The following MYOM3 variants were observed in gnomAD, a reference collection of about 807,000 sequenced individuals.
MYOM3 encodes myomesin-3.
MYOM3 carries 155 observed loss-of-function variants against 191.7 expected under a neutral mutation model. That is an observed-to-expected ratio of 0.81 (90% CI 0.71 to 0.92). The LOEUF is 0.92. Ranked by LOEUF, MYOM3 falls within the 40% of genes least tolerant of loss-of-function variation. The probability of loss-of-function intolerance (pLI) is 0.00; values close to 1 mark genes in which losing one functional copy is unlikely to be tolerated. For synonymous variants in MYOM3, 757 were observed against 762.9 expected (o/e 0.99, Z 0.13); for missense variants, 1,889 against 1,890.6 (o/e 1.00, Z 0.02).
intron 19 of MYOM3, among the ~76,000 whole-genome samples, chr1:24,080,729 G>A (rs1226009301): frequency 1.3e-5 from 2 of 152,236 alleles, no homozygotes; most frequent in South Asian, 2.1e-4. Flanking sequence ...ATAAATACTC[G>A]TTGTTTATAA....
At position 24,063,406 on chromosome 1, in the gene MYOM3, C is replaced by A. The variant is rs1643396115; in HGVS notation, c.3661+86G>T. 4 of 1,552,258 alleles carry A rather than the reference C, an allele frequency of 2.6e-6. No homozygotes were observed. In the South Asian group the frequency reaches 3.3e-5, roughly 13 times the overall value. On this transcript the variant is annotated intron_variant, in intron 31 of 36. Coordinates refer to ENST00000374434, the MANE Select transcript of MYOM3 (RefSeq NM_152372.4). This position sits in a 1 kb window ranked among gnomAD's most constrained non-coding sequence, Gnocchi z 4.5. The stretch of plus-strand genomic sequence containing the variant: ...TTGAGGTTAGAAACTAAACCCACCC[C>A]CAATAGCCAAGGCCAGTGTTAGGCT...
chr1:24,077,154 C>T (rs1252301854), intron 20 of MYOM3, among the ~76,000 whole-genome samples: 1 of 152,134 alleles, frequency 6.6e-6, no homozygotes, highest in African/African-American at 2.4e-5. Context: ...GACCACTTTC[C>T]TCCAGGTCCC....
At chr1:24,098,124 G>A in intron 6 of MYOM3, 113 bp from the exon 7 acceptor site, 1 of 740,082 alleles carries the variant, frequency 1.4e-6, no homozygotes. Flanking sequence ...ACGGTGCCAG[G>A]AAGAGACTTT....
intron 7 of MYOM3, among the ~76,000 whole-genome samples, chr1:24,097,527 ACT>A (rs1643884941): frequency 6.6e-6 from 1 of 151,984 alleles, no homozygotes; most frequent in Non-Finnish European, 1.5e-5. Flanking sequence ...GCCAGTGATG[ACT>A]CTACAGAGAG....
intron 14 of MYOM3, among the ~76,000 whole-genome samples, chr1:24,088,335 G>A (rs2148554567): frequency 6.6e-6 from 1 of 152,262 alleles, no homozygotes. Context: ...AGCTCCTACT[G>A]TGTGCCAGGC....
chr1:24,091,967 A>G (rs1643844334), intron 11 of MYOM3, among the ~76,000 whole-genome samples: 1 of 152,196 alleles, frequency 6.6e-6, no homozygotes, highest in Non-Finnish European at 1.5e-5. Flanking sequence ...ATAGAATTCC[A>G]GTTATCAGCA....
intron 25 of MYOM3, among the ~76,000 whole-genome samples, chr1:24,070,878 G>C (rs893544982): frequency 6.6e-6 from 1 of 152,130 alleles, no homozygotes; most frequent in African/African-American, 2.4e-5. Flanking sequence ...CTTTGTTTGT[G>C]GGAATGTCCC....
chr1:24,073,912 A>C (rs1643563074), intron 23 of MYOM3, among the ~76,000 whole-genome samples: 1 of 151,976 alleles, frequency 6.6e-6, no homozygotes, highest in African/African-American at 2.4e-5. Context: ...GAGACCAGAA[A>C]AATGTAAATT....
At position 24,108,704 on chromosome 1, in the gene MYOM3, C is replaced by G. The variant is rs1005920968; in HGVS notation, c.-18-50G>C. The G allele has an allele frequency of 5.7e-6, 8 of 1,405,002 alleles. No homozygotes were observed. In the African/African-American group the frequency reaches 1.2e-4, roughly 21 times the overall value. The allele number at this position is 1,405,002 out of a possible 1,614,324, so 87.0% of individuals were successfully genotyped here. A position where few individuals can be genotyped will look rare whatever the true frequency, so the allele number is the denominator to read the frequency against. ...ATTCCACCAGGTGCCCGCCTATCCC[C>G]TCCCATGCAGTCTTCCCAACATCTC... is the stretch of plus-strand genomic sequence containing the variant. On this transcript the variant is annotated intron_variant, in intron 1 of 36. Transcript: ENST00000374434.
rs552282086 is a variant in MYOM3 at position 24,090,809 on chromosome 1, G to A, written c.1420C>T (p.Arg474Trp). 1.8e-4 allele frequency: 298 copies of A among 1,614,032 alleles called. No individual in the cohort carries two copies. The South Asian group carries it at 2.3e-3, about 12-fold the overall frequency. Reference sequence around the variant, plus strand: ...CCTCTGTACCCACCTGTCTTCCTCCGGGCTGCATCATGGTCACCCATGACA... The same window carrying A: ...CCTCTGTACCCACCTGTCTTCCTCCAGGCTGCATCATGGTCACCCATGACA... ...LVVMGDHDAA[R>W]RKTEIPFDLG... is the part of the protein sequence containing the mutation. The change falls in exon 12 of 37, where the codon CGG becomes TGG. Residue 474 changes from arginine to tryptophan, a missense_variant. Physicochemically the swap from Arg to Trp is moderately radical, Grantham distance 101. Transcript: ENST00000374434.
Position 24,092,299 on chromosome 1 carries a change from G to T in MYOM3, c.1107C>A (p.Asn369Lys). The change falls in exon 11 of 37, where the codon AAC (asparagine) becomes AAA (lysine). Residue 369 changes from asparagine (N) to lysine (K), a missense_variant. Physicochemically the swap from Asn to Lys is moderately conservative, Grantham distance 94. Transcript: ENST00000374434. ...YVLVRDAEAE[N>K]PGAPGSPLNV... ...TCAGTGGGGAGCCTGGGGCCCCGGGGTTCTCGGCCTCGGCATCTGAAACCC... is the reference window on the plus strand; with the variant it reads ...TCAGTGGGGAGCCTGGGGCCCCGGGTTTCTCGGCCTCGGCATCTGAAACCC... 7.4e-7 allele frequency: 1 copy of T among 1,356,648 alleles called. No homozygotes were observed. Among genetic ancestry groups the T allele is most frequent in the Non-Finnish European group, 9.6e-7 (1 of 1,044,448 alleles). The allele number at this position is 1,356,648 out of a possible 1,614,324, so 84.0% of individuals were successfully genotyped here.
intron 11 of MYOM3, among the ~76,000 whole-genome samples, chr1:24,091,315 A>C (rs1343593628): frequency 6.6e-6 from 1 of 152,140 alleles, no homozygotes; most frequent in East Asian, 1.9e-4. Context: ...CCTTCACTGC[A>C]CACATGGAGG....
At chr1:24,073,974 C>G (rs1162764669) in intron 23 of MYOM3, among the ~76,000 whole-genome samples, 186 bp downstream of exon 23, 2 of 151,784 alleles carry the variant, frequency 1.3e-5, no homozygotes, top group Non-Finnish European at 2.9e-5. Context: ...ATATCCAGGG[C>G]CTACCTGGCC....
At chr1:24,097,044 G>A (rs1643881980) in intron 7 of MYOM3, among the ~76,000 whole-genome samples, 1 of 152,228 alleles carries the variant, frequency 6.6e-6, no homozygotes, top group Admixed American at 6.5e-5. Context: ...GTGAACTCAG[G>A]TCTGGCTGAC....
chr1:24,094,168 C>T (rs1412373808), intron 9 of MYOM3, among the ~76,000 whole-genome samples: 2 of 126,304 alleles, frequency 1.6e-5, no homozygotes, highest in Admixed American at 8.0e-5. Flanking sequence ...CCCTCACTCA[C>T]TTTTTTTTTT....
At chr1:24,100,203 G>A (rs1643901871) in intron 5 of MYOM3, among the ~76,000 whole-genome samples, 1 of 152,132 alleles carries the variant, frequency 6.6e-6, no homozygotes, top group African/African-American at 2.4e-5. Context: ...ACTTGCCTGT[G>A]CGATTGGAGC....
intron 23 of MYOM3, among the ~76,000 whole-genome samples, chr1:24,073,375 G>C (rs1643553918): frequency 6.6e-6 from 1 of 152,148 alleles, no homozygotes; most frequent in South Asian, 2.1e-4. Context: ...CTTTGTTTCA[G>C]TTTAATTTAT....
chr1:24,111,413 TGCGGGCG>T lies in MYOM3; in HGVS notation c.-19+611_-19+617del, dbSNP rs1471444437. Among the ~76,000 whole-genome samples, 1 of 152,212 alleles carries T rather than the reference TGCGGGCG, an allele frequency of 6.6e-6. No homozygotes were observed. Among genetic ancestry groups the T allele is most frequent in the African/African-American group, 2.4e-5 (1 of 41,458 alleles). On this transcript the variant is annotated intron_variant, in intron 1 of 36. Coordinates refer to ENST00000374434, the MANE Select transcript of MYOM3 (RefSeq NM_152372.4). This position sits in a 1 kb window ranked among gnomAD's most constrained non-coding sequence, Gnocchi z 4.7. ...GGTGGCTGGGAGCAGAGACACATCC[TGCGGGCG>T]GCGGGTGGCACAGGCTGGGACGTGT...
rs769486977 is a variant in MYOM3, at chr1:24,106,015, C to T, written c.465G>A (p.Trp155Ter). 7 of 1,613,966 alleles carry T rather than the reference C, an allele frequency of 4.3e-6. No individual in the cohort carries two copies. Among genetic ancestry groups the T allele is most frequent in the East Asian group, 2.2e-5 (1 of 44,880 alleles). Residue 155 changes from tryptophan (W) to a stop codon, truncating the protein, a stop_gained, in exon 5 of 37, where the codon TGG becomes TGA. Coordinates refer to ENST00000374434, the MANE Select transcript of MYOM3 (RefSeq NM_152372.4). LOFTEE classifies it high-confidence loss of function. Reference sequence around the variant, plus strand: ...CGTGGGAGCGAAGAGGGATCCAGAACCAGGGCCCGCGGCCGTAGCACAGCT... The same window carrying T: ...CGTGGGAGCGAAGAGGGATCCAGAATCAGGGCCCGCGGCCGTAGCACAGCT... ...LRELCYGRGP[W>*]FWIPLRSHAV...
Sources: gnomAD v4.1 joint callset for allele counts (sites outside exome capture counted in the v4.1 genomes callset) on GRCh38, gnomAD v4.1.1 for gene constraint, Gnocchi (gnomAD v3.1) non-coding constraint, MANE v1.5 for transcripts, NCBI Gene and HGNC (gene_info 2026-07-23, HGNC 2026-07-21) for gene names.